The following PLB1 variants were observed in gnomAD, a reference collection of about 807,000 sequenced individuals.
PLB1 encodes phospholipase B1.
PLB1 carries 242 observed loss-of-function variants against 227.4 expected under a neutral mutation model. That is an observed-to-expected ratio of 1.06 (90% CI 0.96 to 1.18). The LOEUF (loss-of-function observed/expected upper bound fraction) is 1.18. Ranked by LOEUF, PLB1 falls within the 50% of genes most tolerant of loss-of-function variation. The pLI is 0.00. For missense variants in PLB1, 1,858 were observed against 1,816.3 expected (o/e 1.02, Z -0.42); for synonymous variants, 757 against 682.2 (o/e 1.11, Z -1.71).
chr2:28,629,091 C>T lies in PLB1; in HGVS notation c.3727-3C>T, dbSNP rs1457305815. On this transcript the variant is annotated splice_region_variant and splice_polypyrimidine_tract_variant and intron_variant, in intron 52 of 57. Coordinates refer to ENST00000327757, the MANE Select transcript of PLB1 (RefSeq NM_153021.5). Reference sequence around the variant, plus strand: ...TAACGAAACCACCCTCCACTCCCTGCAGCTCCCAAGGGCTTTCGTCAACGT... The same window carrying T: ...TAACGAAACCACCCTCCACTCCCTGTAGCTCCCAAGGGCTTTCGTCAACGT... 1 of 1,612,832 alleles carries T rather than the reference C, an allele frequency of 6.2e-7. No individual in the cohort carries two copies. The highest frequency in any genetic ancestry group is 1.1e-5 in the South Asian group (1 of 90,852).
intron 43 of PLB1, among the ~76,000 whole-genome samples, chr2:28,607,880 T>C (rs909069581): frequency 4.6e-5 from 7 of 152,250 alleles, no homozygotes; most frequent in African/African-American, 1.7e-4. Flanking sequence ...TCCCCTTCCA[T>C]TACATAACAA....
intron 21 of PLB1, among the ~76,000 whole-genome samples, chr2:28,577,855 GA>G (rs886165565): frequency 2.6e-5 from 4 of 152,164 alleles, no homozygotes; most frequent in Non-Finnish European, 5.9e-5. Flanking sequence ...AAACAAAAAG[GA>G]AAATAGTCAC....
intron 13 of PLB1, 134 bp from the exon 14 acceptor site, chr2:28,543,078 G>A (rs1672732552): frequency 1.2e-6 from 1 of 859,838 alleles, no homozygotes. Context: ...TGTTATTGAT[G>A]AGGGGCTGAG....
intron 32 of PLB1, among the ~76,000 whole-genome samples, chr2:28,593,103 A>G (rs902386308): frequency 2.6e-5 from 4 of 152,294 alleles, no homozygotes; most frequent in East Asian, 3.9e-4. Context: ...TTGCATCTGC[A>G]TGGAAAGCAG....
At chr2:28,626,071 C>G (rs1687730736) in intron 50 of PLB1, among the ~76,000 whole-genome samples, 1 of 151,684 alleles carries the variant, frequency 6.6e-6, no homozygotes, top group Non-Finnish European at 1.5e-5. Context: ...TCTCAGCTCA[C>G]TGCAGCATCT....
intron 33 of PLB1, among the ~76,000 whole-genome samples, chr2:28,597,237 C>T (rs1683104024): frequency 7.0e-6 from 1 of 142,340 alleles, no homozygotes; most frequent in Admixed American, 7.3e-5. Flanking sequence ...GCACTCCAGC[C>T]TGGGCGACAG....
At chr2:28,640,597 C>T (rs558757593) in intron 56 of PLB1, among the ~76,000 whole-genome samples, 133 of 152,156 alleles carry the variant, frequency 8.7e-4, no homozygotes, top group Non-Finnish European at 1.7e-3. Context: ...ACAAAGGAAG[C>T]CAGAGATGGT....
intron 39 of PLB1, 56 bp downstream of exon 39, chr2:28,602,977 C>T (rs769921806): frequency 1.2e-5 from 17 of 1,472,634 alleles, no homozygotes; most frequent in Admixed American, 1.7e-5. Flanking sequence ...CTGGTCTGGC[C>T]CACATGCAGT....
chr2:28,529,816 C>T lies in PLB1; in HGVS notation c.468+37C>T, dbSNP rs145590739. On this transcript the variant is annotated intron_variant, in intron 8 of 57. Coordinates refer to ENST00000327757, the MANE Select transcript of PLB1 (RefSeq NM_153021.5). Reference sequence around the variant, plus strand: ...TCCAACTCTGGCATGGCTGGGCTGCCTGGCTTTGCTGCAAGGCGGGCAGAC... The same window carrying T: ...TCCAACTCTGGCATGGCTGGGCTGCTTGGCTTTGCTGCAAGGCGGGCAGAC... The T allele has an allele frequency of 8.4e-5, 135 of 1,604,838 alleles. No individual in the cohort carries two copies. In the African/African-American group the frequency reaches 1.7e-3, roughly 20 times the overall value.
chr2:28,568,370 A>C (rs1677417387), intron 20 of PLB1, among the ~76,000 whole-genome samples: 1 of 152,234 alleles, frequency 6.6e-6, no homozygotes, highest in Non-Finnish European at 1.5e-5. Flanking sequence ...TTTACAAAGG[A>C]TTGAGACAAT....
Position 28,628,943 on chromosome 2 carries a change from T to G in PLB1, c.3727-151T>G, listed in dbSNP as rs1444337944. ...ATAAAGCGGGGCCACTCAAGAAGAT[T>G]CAGTGAGATACTACAAGTTGCATCC... On this transcript the variant is annotated intron_variant, in intron 52 of 57. Transcript: ENST00000327757. The G allele has an allele frequency of 1.1e-5, 7 of 660,382 alleles. No homozygotes were observed. The African/African-American group carries it at 1.1e-4, about 10-fold the overall frequency. The allele number at this position is 660,382 out of a possible 1,614,324, so 40.9% of individuals were successfully genotyped here.
chr2:28,553,674 A>G (rs1280628236), intron 17 of PLB1, among the ~76,000 whole-genome samples: 1 of 152,142 alleles, frequency 6.6e-6, no homozygotes, highest in Non-Finnish European at 1.5e-5. Flanking sequence ...TAGCAGTGTT[A>G]TAGATTCCCA....
chr2:28,538,543 C>T (rs1206964540), intron 10 of PLB1, among the ~76,000 whole-genome samples, 162 bp downstream of exon 10: 2 of 152,170 alleles, frequency 1.3e-5, no homozygotes, highest in Admixed American at 6.5e-5. Flanking sequence ...CAAATGAGAA[C>T]ATGGGCCAGG....
At chr2:28,565,155 C>T (rs1676666754) in intron 18 of PLB1, 125 bp from the exon 19 acceptor site, 4 of 739,854 alleles carry the variant, frequency 5.4e-6, no homozygotes, top group Non-Finnish European at 9.4e-6. Context: ...GCCATCTAGA[C>T]CCTAGATCCC....
At chr2:28,548,606 C>G in intron 14 of PLB1, 1 of 547,662 alleles carries the variant, frequency 1.8e-6, no homozygotes, top group Non-Finnish European at 3.5e-6. Flanking sequence ...TATATAAAAC[C>G]GATGCTGCTT....
In PLB1 at chr2:28,626,475, G is replaced by T; in HGVS notation, c.3627G>T (p.Gly1209=). Residue 1209 remains glycine (G), a synonymous_variant, in exon 51 of 58, where the codon GGG becomes GGT. Transcript: ENST00000327757. ...KDWKLVTLFI[G]VNDLCHYCEN... The stretch of plus-strand genomic sequence containing the variant: ...GGAAGCTGGTCACACTCTTCATTGG[G>T]GTCAACGACTTGTGTCATTACTGTG... 4 of 1,614,118 alleles carry T rather than the reference G, an allele frequency of 2.5e-6. No homozygotes were observed. The highest frequency in any genetic ancestry group is 3.4e-6 in the Non-Finnish European group (4 of 1,180,010).
chr2:28,643,209 T>C lies in PLB1; in HGVS notation c.*148T>C. On this transcript the variant is annotated 3_prime_UTR_variant, in exon 58 of 58. Coordinates refer to ENST00000327757, the MANE Select transcript of PLB1 (RefSeq NM_153021.5). ...AGTCACAACTTCTTGGGGCCTGGGC[T>C]TCTTCCAGGCCTATGCTCCTGGAAT... 1.5e-6 allele frequency: 1 copy of C among 663,232 alleles called. No individual in the cohort carries two copies. The highest frequency in any genetic ancestry group is 2.4e-5 in the South Asian group (1 of 41,526). The allele number at this position is 663,232 out of a possible 1,614,324, so 41.1% of individuals were successfully genotyped here.
At chr2:28,524,248 GAA>G (rs1410497355) in intron 4 of PLB1, among the ~76,000 whole-genome samples, 1 of 152,064 alleles carries the variant, frequency 6.6e-6, no homozygotes, top group East Asian at 1.9e-4. Context: ...TTTTGAGAGA[GAA>G]AATTCACATC....
Position 28,604,695 on chromosome 2 carries a change from C to G in PLB1, c.2897C>G (p.Thr966Arg). 6 of 1,614,162 alleles carry G rather than the reference C, an allele frequency of 3.7e-6. No individual in the cohort carries two copies. The highest frequency in any genetic ancestry group is 1.3e-5 in the African/African-American group (1 of 75,044). Residue 966 changes from threonine (T) to arginine (R), a missense_variant, in exon 41 of 58, where the codon ACG becomes AGG. By Grantham distance (71) the Thr-to-Arg change is moderately conservative. Coordinates refer to ENST00000327757, the MANE Select transcript of PLB1 (RefSeq NM_153021.5). Reference protein sequence around the residue: ...RELVGSGRYDTQEDFSVVLQP... With the variant: ...RELVGSGRYDRQEDFSVVLQP... ...CTGGTGGGGTCAGGCCGCTATGACA[C>G]GCAGGAGGACTTCTCTGTGGTGCTG...
Sources: gnomAD v4.1 joint callset for allele counts (sites outside exome capture counted in the v4.1 genomes callset) on GRCh38, gnomAD v4.1.1 for gene constraint, MANE v1.5 for transcripts, NCBI Gene and HGNC (gene_info 2026-07-23, HGNC 2026-07-21) for gene names.